The following ENOX1 variants were observed in gnomAD, a reference collection of about 807,000 sequenced individuals.
ENOX1 encodes ecto-NOX disulfide-thiol exchanger 1, also known as candidate growth-related and time keeping constitutive hydroquinone (NADH) oxidase.
ENOX1 carries 42 observed loss-of-function variants against 82.5 expected under a neutral mutation model. That is an observed-to-expected ratio of 0.51 (90% confidence interval 0.40 to 0.66). The LOEUF is 0.66. Ranked by LOEUF, ENOX1 falls within the 30% of genes least tolerant of loss-of-function variation. The pLI is 0.00. For missense variants in ENOX1, 608 were observed against 811.6 expected (o/e 0.75, Z 3.05); for synonymous variants, 271 against 282.2 (o/e 0.96, Z 0.40).
chr13:43,489,083 T>C (rs1016747475), intron 2 of ENOX1, among the ~76,000 whole-genome samples: 2 of 152,136 alleles, frequency 1.3e-5, no homozygotes, highest in African/African-American at 4.8e-5. Flanking sequence ...TTAGTATGGA[T>C]AGAAGAAAGC....
At chr13:43,454,466 A>T (rs976089400) in intron 3 of ENOX1, among the ~76,000 whole-genome samples, 8 of 152,132 alleles carry the variant, frequency 5.3e-5, no homozygotes, top group Admixed American at 1.3e-4. Context: ...TAACTATGCT[A>T]TTTACATCCC....
intron 3 of ENOX1, among the ~76,000 whole-genome samples, chr13:43,475,755 T>C (rs1450194750): frequency 1.5e-5 from 2 of 135,396 alleles, no homozygotes; most frequent in Non-Finnish European, 3.0e-5. Context: ...AGTGGTGGCA[T>C]TGGCCCAGGC....
chr13:43,569,485 T>C (rs966395601), intron 2 of ENOX1, among the ~76,000 whole-genome samples: 3 of 152,186 alleles, frequency 2.0e-5, no homozygotes, highest in African/African-American at 7.2e-5. Context: ...ACCTATGTTC[T>C]CTTCTTGAAA....
intron 5 of ENOX1, among the ~76,000 whole-genome samples, chr13:43,362,926 TAAAAG>T (rs2050624351): frequency 6.6e-6 from 1 of 150,690 alleles, no homozygotes; most frequent in African/African-American, 2.5e-5. Flanking sequence ...GATTTTTTTT[TAAAAG>T]AAAAGAACCC....
At chr13:43,304,894 T>C (rs1353660467) in intron 11 of ENOX1, among the ~76,000 whole-genome samples, 2 of 152,190 alleles carry the variant, frequency 1.3e-5, no homozygotes, top group Admixed American at 6.5e-5. Context: ...ATTCACCCCA[T>C]CCATCTGAAC....
At chr13:43,399,527 T>C (rs1179520120) in intron 5 of ENOX1, among the ~76,000 whole-genome samples, 2 of 152,244 alleles carry the variant, frequency 1.3e-5, no homozygotes, top group Non-Finnish European at 2.9e-5. Flanking sequence ...CCCTTCCCCG[T>C]GCCTTCCTAA....
At chr13:43,261,799 T>C (rs1191583825) in intron 14 of ENOX1, among the ~76,000 whole-genome samples, 1 of 127,714 alleles carries the variant, frequency 7.8e-6, no homozygotes, top group African/African-American at 3.0e-5. Context: ...TGAGATCACA[T>C]GGACACAGGA....
chr13:43,350,443 T>G (rs1213238037), intron 8 of ENOX1, among the ~76,000 whole-genome samples: 2 of 152,102 alleles, frequency 1.3e-5, no homozygotes, highest in African/African-American at 4.8e-5. Context: ...AATTGGTAAG[T>G]GTTTTTTGTT....
At chr13:43,513,598 T>C (rs957223436) in intron 2 of ENOX1, among the ~76,000 whole-genome samples, 2 of 152,154 alleles carry the variant, frequency 1.3e-5, no homozygotes, top group African/African-American at 2.4e-5. Flanking sequence ...GAATCATCTG[T>C]AACAAAACCC....
In ENOX1 at chr13:43,359,765, G is replaced by C. The variant is rs996083421; in HGVS notation, c.589+86C>G. On this transcript the variant is annotated intron_variant, in intron 7 of 16. Transcript: ENST00000690772. ...CCCCAAACTATGAAGACTTTATTTT[G>C]CATGAAGGCCAAAGGGAATAAGCTC... 10 of 1,284,148 alleles carry C rather than the reference G, an allele frequency of 7.8e-6. No homozygotes were observed. The African/African-American group carries it at 1.2e-4, about 15-fold the overall frequency. The allele number at this position is 1,284,148 out of a possible 1,614,324, so 79.5% of individuals were successfully genotyped here.
At chr13:43,318,937 C>T (rs1036165039) in intron 11 of ENOX1, among the ~76,000 whole-genome samples, 10 of 152,078 alleles carry the variant, frequency 6.6e-5, no homozygotes, top group East Asian at 3.9e-4. Context: ...TTATTTCTTG[C>T]GAACGCTATC....
chr13:43,616,170 C>CTATAGATATCTATATAGATAGA (rs1566641829), intron 2 of ENOX1, among the ~76,000 whole-genome samples: 1 of 7,878 alleles, frequency 1.3e-4, no homozygotes, highest in Non-Finnish European at 2.7e-4. Context: ...ATCTATCTAT[C>CTATAGATATCTATATAGATAGA]TATCTATCTA....
intron 3 of ENOX1, among the ~76,000 whole-genome samples, chr13:43,449,663 T>C (rs1458362311): frequency 1.3e-5 from 2 of 151,966 alleles, no homozygotes; most frequent in Admixed American, 6.6e-5. Flanking sequence ...CTAAAATAGA[T>C]ACTTCTTATT....
intron 3 of ENOX1, among the ~76,000 whole-genome samples, chr13:43,415,797 G>A (rs546991312): frequency 6.6e-6 from 1 of 152,146 alleles, no homozygotes; most frequent in South Asian, 2.1e-4. Context: ...AGATGGGGCG[G>A]CCGGGCAGAA....
intron 3 of ENOX1, among the ~76,000 whole-genome samples, chr13:43,469,502 A>G (rs2057892410): frequency 6.6e-6 from 1 of 151,952 alleles, no homozygotes; most frequent in Non-Finnish European, 1.5e-5. Flanking sequence ...GAAACTTTGA[A>G]AAATAAAAAT....
rs929440109 is a variant in ENOX1, at chr13:43,674,192, T to C, written c.-284-6648A>G. Among the ~76,000 whole-genome samples, 3 of 152,294 alleles carry C rather than the reference T, an allele frequency of 2.0e-5. No homozygotes were observed. In the South Asian group the frequency reaches 6.2e-4, roughly 32 times the overall value. On this transcript the variant is annotated intron_variant, in intron 1 of 16. Coordinates refer to ENST00000690772, the MANE Select transcript of ENOX1 (RefSeq NM_001347969.2). The stretch of plus-strand genomic sequence containing the variant: ...CTTCAAACATCTGCTGAGTATGTAT[T>C]ATGCAGCAGGAATTGTTCTAGGTAC...
intron 1 of ENOX1, among the ~76,000 whole-genome samples, chr13:43,785,975 C>T: frequency 6.6e-6 from 1 of 151,972 alleles, no homozygotes. Context: ...ACCCTGGCAG[C>T]GGCCGAGTCC....
intron 5 of ENOX1, among the ~76,000 whole-genome samples, chr13:43,371,886 G>T (rs1004555253): frequency 1.3e-5 from 2 of 152,138 alleles, no homozygotes; most frequent in Non-Finnish European, 2.9e-5. Flanking sequence ...ACTGCAAATT[G>T]TGTGTGGTCT....
chr13:43,213,807 A>C lies in ENOX1; in HGVS notation c.*183T>G. The C allele has an allele frequency of 2.0e-6, 1 of 502,438 alleles. No individual in the cohort carries two copies. Among genetic ancestry groups the C allele is most frequent in the Non-Finnish European group, 3.3e-6 (1 of 300,044 alleles). The allele number at this position is 502,438 out of a possible 1,614,324, so 31.1% of individuals were successfully genotyped here. A position where few individuals can be genotyped will look rare whatever the true frequency, so the allele number is the denominator to read the frequency against. ...CACAGTATGAAGCTTTGTTTATTTT[A>C]AGAAACTGGTACACAATTACATTTC... On this transcript the variant is annotated 3_prime_UTR_variant, in exon 17 of 17. Transcript: ENST00000690772.
Sources: allele counts gnomAD v4.1 joint callset (sites outside exome capture counted in the v4.1 genomes callset), GRCh38; gene constraint gnomAD v4.1.1; transcripts MANE v1.5; gene names NCBI Gene and HGNC (gene_info 2026-07-23, HGNC 2026-07-21).